The following ODR4 variants were observed in gnomAD, a reference collection of about 807,000 sequenced individuals.
ODR4 encodes protein odr-4 homolog.
Under a neutral mutation model 60.2 loss-of-function variants are expected in ODR4, and 47 were observed. The ratio of observed to expected loss-of-function variants is 0.78; its 90% CI spans 0.62 to 1.00. The LOEUF is 1.00. Ranked by LOEUF, ODR4 falls within the 50% of genes least tolerant of loss-of-function variation. ODR4 has a pLI of 0.00. For missense variants in ODR4, 488 were observed against 530.8 expected, an observed-to-expected ratio of 0.92 and a Z score of 0.79; for synonymous variants, 178 against 175.5, an observed-to-expected ratio of 1.01 and a Z score of -0.11.
chr1:186,430,848 C>A, the ODR4 span, among the ~76,000 whole-genome samples: 6 of 139,112 alleles, frequency 4.3e-5, no homozygotes, highest in East Asian at 8.0e-4. Context: ...TTCTATGTCA[C>A]CCTCCCTCCC....
chr1:186,433,203 TTTTC>T, the ODR4 span, among the ~76,000 whole-genome samples: 1 of 152,192 alleles, frequency 6.6e-6, no homozygotes, highest in African/African-American at 2.4e-5. Context: ...GTTTGCTTTA[TTTTC>T]TTAACTTAGT....
At chr1:186,416,237 A>C (rs1034611146) in intron 12 of ODR4, among the ~76,000 whole-genome samples, 59 of 152,178 alleles carry the variant, frequency 3.9e-4, no homozygotes, top group African/African-American at 1.3e-3. Context: ...TAAAACCACC[A>C]ATAATGATAT....
chr1:186,380,364 TTTGTTG>T (rs939329469), intron 2 of ODR4, among the ~76,000 whole-genome samples: 6 of 152,068 alleles, frequency 3.9e-5, no homozygotes, highest in Admixed American at 3.3e-4. Context: ...TACTGAATTT[TTTGTTG>T]TTGTTGTTGG....
chr1:186,408,307 G>T (rs11805289), intron 12 of ODR4, among the ~76,000 whole-genome samples: 13,574 of 151,986 alleles, frequency 0.089, 949 homozygotes, highest in East Asian at 0.38. Flanking sequence ...GCTAAATAAT[G>T]AAGTATAGTA....
chr1:186,418,699 G>A (rs1661678398), intron 13 of ODR4, among the ~76,000 whole-genome samples: 1 of 152,146 alleles, frequency 6.6e-6, no homozygotes, highest in African/African-American at 2.4e-5. Flanking sequence ...CAGCTGGTAT[G>A]CCAATATAAA....
chr1:186,406,297 G>A, intron 12 of ODR4, 29 bp downstream of exon 12: 1 of 1,482,208 alleles, frequency 6.7e-7, no homozygotes, highest in Non-Finnish European at 9.0e-7. Context: ...TTAAGAACCT[G>A]GTTAGATTAC....
intron 12 of ODR4, among the ~76,000 whole-genome samples, chr1:186,412,583 A>G (rs888163847): frequency 6.6e-6 from 1 of 152,208 alleles, no homozygotes; most frequent in African/African-American, 2.4e-5. Context: ...ATACATTTTA[A>G]TAGAAAAATT....
chr1:186,414,584 A>G (rs1462552630), intron 12 of ODR4, among the ~76,000 whole-genome samples: 1 of 149,136 alleles, frequency 6.7e-6, no homozygotes, highest in South Asian at 2.1e-4. Context: ...CACTGGCACT[A>G]TCTTGGCTCA....
Position 186,417,549 on chromosome 1 carries a change from ATGAGTTCTTCTATG to A in ODR4, c.1193_1206del (p.Met398LysfsTer2). 6.4e-7 allele frequency: 1 copy of A among 1,561,492 alleles called. No individual in the cohort carries two copies. The highest frequency in any genetic ancestry group is 8.8e-7 in the Non-Finnish European group (1 of 1,141,782). On this transcript the variant is annotated frameshift_variant, in exon 13 of 14. Coordinates refer to ENST00000287859, the MANE Select transcript of ODR4 (RefSeq NM_017847.6). LOFTEE classifies it high-confidence loss of function. ...TTATTATTATACCCTTTCAGCTTGT[ATGAGTTCTTCTATG>A]AATAGTCAAGCTTCATTGGACAACA... is the stretch of plus-strand genomic sequence containing the variant.
At chr1:186,417,810 G>C (rs923510346) in intron 13 of ODR4, among the ~76,000 whole-genome samples, 156 bp downstream of exon 13, 40 of 152,128 alleles carry the variant, frequency 2.6e-4, no homozygotes, top group African/African-American at 9.7e-4. Flanking sequence ...CCTAGAGATA[G>C]GAAGATTTAT....
In ODR4 at chr1:186,420,331, T is replaced by C. The variant is rs960862016; in HGVS notation, c.*1255T>C. ...AGGACAGTTAAAGAAGGTTCAGTGG[T>C]CCTCAGTTTGCAGTGCTCTAGCTCC... On this transcript the variant is annotated 3_prime_UTR_variant, in exon 14 of 14. Coordinates refer to ENST00000287859, the MANE Select transcript of ODR4 (RefSeq NM_017847.6). 6.6e-6 allele frequency: 1 copy of C among 152,226 alleles called. No individual in the cohort carries two copies. Among genetic ancestry groups the C allele is most frequent in the African/African-American group, 2.4e-5 (1 of 41,460 alleles). The allele number at this position is 152,226 out of a possible 1,614,324, so 9.4% of individuals were successfully genotyped here.
intron 11 of ODR4, among the ~76,000 whole-genome samples, chr1:186,401,715 A>G (rs1380829806): frequency 1.3e-5 from 2 of 151,826 alleles, no homozygotes; most frequent in Non-Finnish European, 1.5e-5. Context: ...ACCCCACTTG[A>G]TTATGATGTA....
intron 4 of ODR4, among the ~76,000 whole-genome samples, chr1:186,388,049 A>G (rs1660318511): frequency 6.6e-6 from 1 of 152,212 alleles, no homozygotes; most frequent in African/African-American, 2.4e-5. Context: ...GTTTATATAA[A>G]TTCTAGTTGC....
At chr1:186,416,398 G>A (rs1661565651) in intron 12 of ODR4, among the ~76,000 whole-genome samples, 1 of 151,616 alleles carries the variant, frequency 6.6e-6, no homozygotes, top group African/African-American at 2.4e-5. Flanking sequence ...TAGGCCAGGT[G>A]TGATGGCTCA....
intron 11 of ODR4, chr1:186,400,961 A>G: frequency 7.4e-7 from 1 of 1,346,802 alleles, no homozygotes; most frequent in Non-Finnish European, 1.0e-6. Context: ...AGTTTGTGGT[A>G]ACTCCTGTGG....
At chr1:186,403,992 T>G (rs1363950955) in intron 11 of ODR4, among the ~76,000 whole-genome samples, 1 of 152,160 alleles carries the variant, frequency 6.6e-6, no homozygotes, top group East Asian at 1.9e-4. Flanking sequence ...CTCTTATCCT[T>G]TAAGCTTCAA....
chr1:186,383,689 A>G (rs1660131102), intron 3 of ODR4, among the ~76,000 whole-genome samples: 1 of 150,914 alleles, frequency 6.6e-6, no homozygotes, highest in Non-Finnish European at 1.5e-5. Flanking sequence ...ATATATATAT[A>G]TATATATATG....
At chr1:186,417,336 C>A in intron 12 of ODR4, 1 of 464,964 alleles carries the variant, frequency 2.2e-6, no homozygotes. Context: ...GATAAAGCTA[C>A]ATTGTTTTGA....
the ODR4 span, among the ~76,000 whole-genome samples, chr1:186,428,856 CA>C: frequency 6.6e-6 from 1 of 152,080 alleles, no homozygotes; most frequent in Non-Finnish European, 1.5e-5. Context: ...ACAATTTTAT[CA>C]ATTAAGTTTG....
Sources: allele counts gnomAD v4.1 joint callset (sites outside exome capture counted in the v4.1 genomes callset), GRCh38; gene constraint gnomAD v4.1.1; transcripts MANE v1.5; gene names NCBI Gene and HGNC (gene_info 2026-07-23, HGNC 2026-07-21).